EIPR1: variants seen among roughly 807,000 people sequenced by gnomAD.
EIPR1 encodes EARP and GARP complex-interacting protein 1.
In EIPR1, 25 loss-of-function variants were observed where a neutral mutation model predicts 48.1. That is an observed-to-expected ratio of 0.52 (90% CI 0.38 to 0.73). The LOEUF is 0.73. Among genes scored for constraint, EIPR1 ranks in the 30% least tolerant of loss-of-function variants. EIPR1 has a pLI of 0.00. For synonymous variants in EIPR1, 204 were observed against 201.9 expected (o/e 1.01, Z -0.09); for missense variants, 415 against 506.2 (o/e 0.82, Z 1.73).
rs189952017 is a variant in EIPR1 at position 3,245,042 on chromosome 2, G to A, written c.416+12257C>T. On this transcript the variant is annotated intron_variant, in intron 4 of 8. Transcript: ENST00000382125. Reference sequence around the variant, plus strand: ...TATGACTCTTCCTAGAATAAGTTGCGCCTGTACTTTGCATTTTACTAAAGT... The same window carrying A: ...TATGACTCTTCCTAGAATAAGTTGCACCTGTACTTTGCATTTTACTAAAGT... Among the ~76,000 whole-genome samples, 479 of 152,076 alleles carry A rather than the reference G, an allele frequency of 3.1e-3. 1 individual carries two copies. The highest frequency in any genetic ancestry group is 0.011 in the African/African-American group (454 of 41,448).
chr2:3,193,279 T>C (rs560421141), intron 7 of EIPR1, among the ~76,000 whole-genome samples: 1 of 152,160 alleles, frequency 6.6e-6, no homozygotes, highest in African/African-American at 2.4e-5. Flanking sequence ...ACATACAGCT[T>C]CAGATAAGTA....
intron 1 of EIPR1, among the ~76,000 whole-genome samples, chr2:3,366,031 G>C (rs188549380): frequency 2.8e-4 from 43 of 152,182 alleles, no homozygotes; most frequent in African/African-American, 1.0e-3. Context: ...AAAGAGGCCC[G>C]GCATGGTGGC....
At chr2:3,248,969 C>CT (rs1455293273) in intron 4 of EIPR1, among the ~76,000 whole-genome samples, 5 of 152,116 alleles carry the variant, frequency 3.3e-5, no homozygotes, top group African/African-American at 9.7e-5. Context: ...AAATAAACCT[C>CT]TTTTTTTATA....
In EIPR1 at chr2:3,199,075, C is replaced by G. The variant is rs1159441868; in HGVS notation, c.517-2058G>C. ...CATTTTAGAGGGCCCCCCCCCCGCC[C>G]CGGGAATGCATTCTTTTCCCGGGCT... On this transcript the variant is annotated intron_variant, in intron 5 of 8. Transcript: ENST00000382125. Among the ~76,000 whole-genome samples the G allele has an allele frequency of 2.5e-5, 2 of 79,390 alleles. 1 individual carries two copies. The highest frequency in any genetic ancestry group is 8.1e-5 in the African/African-American group (2 of 24,690). The allele number at this position is 79,390 out of a possible 152,430, so 52.1% of individuals were successfully genotyped here.
intron 3 of EIPR1, among the ~76,000 whole-genome samples, chr2:3,336,394 C>A (rs1670042926): frequency 6.6e-6 from 1 of 152,180 alleles, no homozygotes. Flanking sequence ...GGTGCATAGC[C>A]ACACTCAGCC....
At chr2:3,218,385 C>G (rs1665724281) in intron 4 of EIPR1, among the ~76,000 whole-genome samples, 1 of 150,506 alleles carries the variant, frequency 6.6e-6, no homozygotes, top group African/African-American at 2.4e-5. Flanking sequence ...GGTGCACACC[C>G]AACATGGCCC....
chr2:3,201,606 G>A (rs1012468609), intron 5 of EIPR1, among the ~76,000 whole-genome samples: 1 of 152,168 alleles, frequency 6.6e-6, no homozygotes, highest in African/African-American at 2.4e-5. Flanking sequence ...ATAGTGTGCA[G>A]GGTGACACAC....
chr2:3,251,479 C>T (rs1666999212), intron 4 of EIPR1, among the ~76,000 whole-genome samples: 1 of 152,100 alleles, frequency 6.6e-6, no homozygotes, highest in African/African-American at 2.4e-5. Context: ...CAACCACCCC[C>T]ACTCCACACA....
At chr2:3,376,740 C>T (rs1240087173) in intron 1 of EIPR1, among the ~76,000 whole-genome samples, 1 of 151,516 alleles carries the variant, frequency 6.6e-6, no homozygotes, top group African/African-American at 2.4e-5. Context: ...ACACATACTG[C>T]TGCACAAAAT....
chr2:3,373,812 T>C (rs1291504833), intron 1 of EIPR1, among the ~76,000 whole-genome samples: 1 of 151,370 alleles, frequency 6.6e-6, no homozygotes, highest in Non-Finnish European at 1.5e-5. Flanking sequence ...CCCAAGGTAA[T>C]TTATAGATTC....
intron 6 of EIPR1, among the ~76,000 whole-genome samples, chr2:3,195,832 G>A (rs372883477): frequency 1.5e-4 from 23 of 152,310 alleles, no homozygotes; most frequent in African/African-American, 5.1e-4. Context: ...GCGCTGGCAC[G>A]TCCTCACCAC....
intron 3 of EIPR1, among the ~76,000 whole-genome samples, chr2:3,314,158 G>A (rs535074576): frequency 2.7e-4 from 41 of 152,194 alleles, no homozygotes; most frequent in Non-Finnish European, 5.4e-4. Flanking sequence ...AGGACTCTGC[G>A]CCAGCGTGAT....
intron 3 of EIPR1, among the ~76,000 whole-genome samples, chr2:3,272,871 T>C (rs1667739344): frequency 2.0e-5 from 3 of 152,198 alleles, no homozygotes; most frequent in Non-Finnish European, 4.4e-5. Context: ...TAAAGCCCAG[T>C]GCAATACGAT....
rs75504759 is a variant in EIPR1 at position 3,265,768 on chromosome 2, C to A, written c.260-8313G>T. The stretch of plus-strand genomic sequence containing the variant: ...ACGATACCTAGGCTGAAAGGGAACT[C>A]CGATATCATGCTGAATGAACACAGC... On this transcript the variant is annotated intron_variant, in intron 3 of 8. Coordinates refer to ENST00000382125, the MANE Select transcript of EIPR1 (RefSeq NM_003310.5). Among the ~76,000 whole-genome samples the A allele has an allele frequency of 8.5e-3, 1,287 of 152,306 alleles. 11 individuals are homozygous for A. Among genetic ancestry groups the A allele is most frequent in the Non-Finnish European group, 0.014 (973 of 68,024 alleles).
intron 3 of EIPR1, among the ~76,000 whole-genome samples, chr2:3,307,139 T>A (rs935344778): frequency 1.3e-5 from 2 of 151,976 alleles, no homozygotes; most frequent in African/African-American, 2.4e-5. Flanking sequence ...ATTTTTGTAT[T>A]TTAGTAGAGA....
At chr2:3,367,200 T>G (rs2103389199) in intron 1 of EIPR1, among the ~76,000 whole-genome samples, 1 of 152,156 alleles carries the variant, frequency 6.6e-6, no homozygotes, top group African/African-American at 2.4e-5. Flanking sequence ...GGGTGCGTCT[T>G]GGGTGGGTAA....
At chr2:3,255,413 C>A (rs1404761504) in intron 4 of EIPR1, among the ~76,000 whole-genome samples, 1 of 152,194 alleles carries the variant, frequency 6.6e-6, no homozygotes, top group Non-Finnish European at 1.5e-5. Flanking sequence ...GAACTCCTGA[C>A]CTCAGGTGAT....
At chr2:3,375,972 A>G (rs373649103) in intron 1 of EIPR1, among the ~76,000 whole-genome samples, 6 of 152,264 alleles carry the variant, frequency 3.9e-5, no homozygotes, top group African/African-American at 1.4e-4. Flanking sequence ...TATAAAATTT[A>G]TTTGTAAGAA....
intron 3 of EIPR1, among the ~76,000 whole-genome samples, chr2:3,301,863 C>G (rs753219088): frequency 6.6e-6 from 1 of 152,120 alleles, no homozygotes; most frequent in Non-Finnish European, 1.5e-5. Context: ...ATCAGGAACA[C>G]GTGGGAATAA....
Sources: gnomAD v4.1 joint callset for allele counts (sites outside exome capture counted in the v4.1 genomes callset) on GRCh38, gnomAD v4.1.1 for gene constraint, MANE v1.5 for transcripts, NCBI Gene and HGNC (gene_info 2026-07-23, HGNC 2026-07-21) for gene names.